TEX14: variants seen among roughly 807,000 people sequenced by gnomAD.
The protein encoded by TEX14 is inactive serine/threonine-protein kinase TEX14.
In TEX14, 168 loss-of-function variants were observed where a neutral mutation model predicts 178.6. That is an observed-to-expected ratio of 0.94 (90% confidence interval 0.83 to 1.07). TEX14 has a LOEUF of 1.07. TEX14 is among the 50% of genes least tolerant of loss of function. The pLI is 0.00. For synonymous variants in TEX14, 626 were observed against 634.1 expected, an observed-to-expected ratio of 0.99 and a Z score of 0.19; for missense variants, 1,730 against 1,753.6, an observed-to-expected ratio of 0.99 and a Z score of 0.24.
intron 7 of TEX14, 45 bp from the exon 8 acceptor site, chr17:58,615,390 AC>A: frequency 7.8e-6 from 9 of 1,147,624 alleles, no homozygotes; most frequent in Non-Finnish European, 1.2e-5. Context: ...GTGAGCAGCC[AC>A]TTACTCCTTC....
intron 2 of TEX14, among the ~76,000 whole-genome samples, chr17:58,648,690 G>A (rs1265157853): frequency 6.6e-6 from 1 of 151,862 alleles, no homozygotes; most frequent in Non-Finnish European, 1.5e-5. Context: ...AAGCACCACA[G>A]TTCTCTCTGA....
chr17:58,632,071 C>T (rs1438322062), intron 2 of TEX14, among the ~76,000 whole-genome samples: 1 of 152,202 alleles, frequency 6.6e-6, no homozygotes, highest in Non-Finnish European at 1.5e-5. Flanking sequence ...TCACTCAGAG[C>T]TCCTTTCTAA....
At position 58,629,172 on chromosome 17, in the gene TEX14, G is replaced by A. The variant is rs555812341; in HGVS notation, c.251+1268C>T. Reference sequence around the variant, plus strand: ...AAAGCCGAAGTGCTTCACAAAAAGAGATGTTCGGCCAAGTACAGTGGCTCA... The same window carrying A: ...AAAGCCGAAGTGCTTCACAAAAAGAAATGTTCGGCCAAGTACAGTGGCTCA... On this transcript the variant is annotated intron_variant, in intron 3 of 31. Coordinates refer to ENST00000349033, the MANE Select transcript of TEX14 (RefSeq NM_031272.5). Among the ~76,000 whole-genome samples, 12 of 152,254 alleles carry A rather than the reference G, an allele frequency of 7.9e-5. No homozygotes were observed. In the East Asian group the frequency reaches 2.1e-3, roughly 27 times the overall value.
At chr17:58,635,577 G>A (rs540419028) in intron 2 of TEX14, among the ~76,000 whole-genome samples, 1 of 151,994 alleles carries the variant, frequency 6.6e-6, no homozygotes, top group Non-Finnish European at 1.5e-5. Context: ...TTACAGGCAC[G>A]CACAACCATG....
rs138598728 is a variant in TEX14, at chr17:58,631,765, C to T, written c.137-1211G>A. The stretch of plus-strand genomic sequence containing the variant: ...CACAAATATCTCCCTCTCGCGGTTT[C>T]CAGCGTTCTACACGTTCAGATATAC... On this transcript the variant is annotated intron_variant, in intron 2 of 31. Transcript: ENST00000349033. The T allele has an allele frequency of 9.1e-4, 139 of 152,066 alleles. 1 individual carries two copies. The highest frequency in any genetic ancestry group is 3.2e-3 in the African/African-American group (133 of 41,460). The allele number at this position is 152,066 out of a possible 1,614,324, so 9.4% of individuals were successfully genotyped here.
chr17:58,602,670 G>T, intron 11 of TEX14, 80 bp from the exon 12 acceptor site: 2 of 1,191,882 alleles, frequency 1.7e-6, no homozygotes, highest in Non-Finnish European at 2.4e-6. Context: ...AGATGAAGCT[G>T]GGTAACCTTA....
intron 2 of TEX14, among the ~76,000 whole-genome samples, chr17:58,644,096 T>C (rs981739731): frequency 1.9e-4 from 29 of 152,108 alleles, no homozygotes; most frequent in African/African-American, 6.5e-4. Flanking sequence ...TACCCTACCA[T>C]TAACCTCTAG....
chr17:58,690,040 G>A (rs1253337592), intron 1 of TEX14, among the ~76,000 whole-genome samples: 3 of 151,554 alleles, frequency 2.0e-5, no homozygotes, highest in South Asian at 2.1e-4. Context: ...TAGTAGAGAC[G>A]GGGTTTCATC....
chr17:58,596,378 C>G (rs769446008), intron 14 of TEX14, among the ~76,000 whole-genome samples: 1 of 152,044 alleles, frequency 6.6e-6, no homozygotes, highest in Non-Finnish European at 1.5e-5. Context: ...ACTTCCTGAG[C>G]TCAGGTGATC....
intron 1 of TEX14, among the ~76,000 whole-genome samples, chr17:58,688,867 A>G (rs2047644915): frequency 6.6e-6 from 1 of 152,122 alleles, no homozygotes; most frequent in Admixed American, 6.6e-5. Flanking sequence ...CTCTGACCTC[A>G]TACTTTTCTC....
At position 58,557,782 on chromosome 17, in the gene TEX14, ATC is replaced by A; in HGVS notation, c.4319+15_4319+16del. The A allele has an allele frequency of 6.2e-7, 1 of 1,605,494 alleles. No individual in the cohort carries two copies. The highest frequency in any genetic ancestry group is 1.3e-5 in the African/African-American group (1 of 74,832). Reference sequence around the variant, plus strand: ...TAAACATGACTTTTGATCTACAAACATCTGATATTTCATTACCTGGATGATTC... The same window carrying A: ...TAAACATGACTTTTGATCTACAAACATGATATTTCATTACCTGGATGATTC... On this transcript the variant is annotated intron_variant, in intron 31 of 31. Transcript: ENST00000349033.
At chr17:58,624,632 G>A (rs991950811) in intron 3 of TEX14, among the ~76,000 whole-genome samples, 3 of 151,926 alleles carry the variant, frequency 2.0e-5, no homozygotes, top group Non-Finnish European at 4.4e-5. Context: ...GTGAGCCACC[G>A]CGCCCAGCCT....
chr17:58,620,583 T>C lies in TEX14; in HGVS notation c.554+1067A>G, dbSNP rs935739137. Among the ~76,000 whole-genome samples, 7 of 152,098 alleles carry C rather than the reference T, an allele frequency of 4.6e-5. No individual in the cohort carries two copies. In the South Asian group the frequency reaches 1.5e-3, roughly 32 times the overall value. ...ATCTCGGCTCACTGCAACCTCCGCC[T>C]CCTGGGTTCAAGTGATTCGCCTGCC... On this transcript the variant is annotated intron_variant, in intron 5 of 31. Transcript: ENST00000349033.
chr17:58,680,055 A>AGTGGC (rs2143547987), intron 1 of TEX14, among the ~76,000 whole-genome samples: 1 of 151,788 alleles, frequency 6.6e-6, no homozygotes, highest in South Asian at 2.1e-4. Context: ...GTTTGGCACT[A>AGTGGC]ATGATGCCAC....
intron 12 of TEX14, among the ~76,000 whole-genome samples, 165 bp downstream of exon 12, chr17:58,602,235 C>T (rs1197400370): frequency 6.6e-6 from 1 of 152,164 alleles, no homozygotes; most frequent in Non-Finnish European, 1.5e-5. Flanking sequence ...GCTGCTTTCA[C>T]CAAGTTAAGC....
chr17:58,676,502 G>C (rs2143516454), intron 1 of TEX14, among the ~76,000 whole-genome samples: 1 of 152,302 alleles, frequency 6.6e-6, no homozygotes, highest in East Asian at 1.9e-4. Context: ...AGAGGTTGCA[G>C]TGAGCCAAGA....
In TEX14 at chr17:58,557,051, T is replaced by C; in HGVS notation, c.4320-4A>G. On this transcript the variant is annotated splice_region_variant and splice_polypyrimidine_tract_variant and intron_variant, in intron 31 of 31. Transcript: ENST00000349033. ...ACTCTGATCCAGCACGATTATCCTA[T>C]GCACATGTTTTTTAAAGAACAAAAA... 3 of 1,613,664 alleles carry C rather than the reference T, an allele frequency of 1.9e-6. No individual in the cohort carries two copies. The highest frequency in any genetic ancestry group is 2.2e-5 in the East Asian group (1 of 44,888).
At chr17:58,604,635 AC>A (rs2045561402) in intron 11 of TEX14, among the ~76,000 whole-genome samples, 1 of 150,024 alleles carries the variant, frequency 6.7e-6, no homozygotes. Context: ...ATCTCAGCTC[AC>A]TGCAACCTCT....
At chr17:58,635,588 C>T (rs1401312605) in intron 2 of TEX14, among the ~76,000 whole-genome samples, 10 of 152,112 alleles carry the variant, frequency 6.6e-5, no homozygotes, top group Admixed American at 5.9e-4. Context: ...CACAACCATG[C>T]CCAGCTAATT....
Sources: gnomAD v4.1 joint callset for allele counts (sites outside exome capture counted in the v4.1 genomes callset) on GRCh38, gnomAD v4.1.1 for gene constraint, MANE v1.5 for transcripts, NCBI Gene and HGNC (gene_info 2026-07-23, HGNC 2026-07-21) for gene names.